Variants in SRGAP2 observed in about 807,000 individuals in gnomAD.
SRGAP2 encodes the protein SLIT-ROBO Rho GTPase-activating protein 2.
Under a neutral mutation model 57.2 loss-of-function variants are expected in SRGAP2, and 15 were observed. That is an observed-to-expected ratio of 0.26 (90% CI 0.18 to 0.40). The LOEUF is 0.40. Among genes scored for constraint, SRGAP2 ranks in the 10% least tolerant of loss-of-function variants. The pLI, the probability that SRGAP2 is intolerant of heterozygous loss-of-function variation, is 1.00. For synonymous variants in SRGAP2, 249 were observed against 248.0 expected, an observed-to-expected ratio of 1.00 and a Z score of -0.04; for missense variants, 520 against 669.6, an observed-to-expected ratio of 0.78 and a Z score of 2.47.
At chr1:206,229,760 C>CA (rs572449335) in intron 2 of SRGAP2, among the ~76,000 whole-genome samples, 125 of 151,994 alleles carry the variant, frequency 8.2e-4, no homozygotes, top group African/African-American at 2.9e-3. Context: ...TTTAGAGACT[C>CA]AAAGTGCTTC....
chr1:206,209,486 C>T (rs1176081661), intron 2 of SRGAP2, among the ~76,000 whole-genome samples: 1 of 151,622 alleles, frequency 6.6e-6, no homozygotes, highest in Non-Finnish European at 1.5e-5. Flanking sequence ...CAACCCTACC[C>T]CAGAGTGGTT....
intron 3 of SRGAP2, among the ~76,000 whole-genome samples, chr1:206,314,436 A>T (rs1323148172): frequency 6.6e-6 from 1 of 152,188 alleles, no homozygotes; most frequent in Non-Finnish European, 1.5e-5. Context: ...GCCCAGCTGA[A>T]ATCTAGTGTT....
intron 14 of SRGAP2, among the ~76,000 whole-genome samples, chr1:206,432,892 T>C (rs994214644): frequency 6.6e-6 from 1 of 152,212 alleles, no homozygotes; most frequent in Admixed American, 6.5e-5. Context: ...TTGTTTACCC[T>C]GGTAATCACG....
chr1:206,423,119 G>A (rs983557109), intron 13 of SRGAP2, among the ~76,000 whole-genome samples: 21 of 152,176 alleles, frequency 1.4e-4, no homozygotes, highest in African/African-American at 5.1e-4. Flanking sequence ...CCCTGTCAAA[G>A]ACTAGGTTTA....
intron 3 of SRGAP2, chr1:206,333,499 C>A: frequency 7.2e-7 from 1 of 1,390,906 alleles, no homozygotes; most frequent in South Asian, 1.2e-5. Context: ...GCGGGCGGCG[C>A]GGCTCTGTGT....
intron 4 of SRGAP2, among the ~76,000 whole-genome samples, chr1:206,356,803 T>C (rs1676469400): frequency 6.7e-6 from 1 of 148,738 alleles, no homozygotes; most frequent in Admixed American, 6.7e-5. Flanking sequence ...CTTACAATAC[T>C]GGACTTTCTC....
At chr1:206,420,805 T>C (rs150259444) in intron 12 of SRGAP2, among the ~76,000 whole-genome samples, 272 of 152,324 alleles carry the variant, frequency 1.8e-3, no homozygotes, top group African/African-American at 5.9e-3. Flanking sequence ...AGAAAAATTG[T>C]TCCCTGTAAA....
At chr1:206,385,098 G>T in intron 5 of SRGAP2, among the ~76,000 whole-genome samples, 1 of 129,662 alleles carries the variant, frequency 7.7e-6, no homozygotes, top group Non-Finnish European at 1.6e-5. Flanking sequence ...CCTAGGTGTG[G>T]CCATTTTGTC....
At chr1:206,457,158 TG>T (rs1553378758) in intron 21 of SRGAP2, among the ~76,000 whole-genome samples, 9 of 152,086 alleles carry the variant, frequency 5.9e-5, no homozygotes, top group South Asian at 4.1e-4. Context: ...CCCATAAATC[TG>T]TCTTCTCAGC....
chr1:206,435,824 G>A (rs782021916), intron 14 of SRGAP2, among the ~76,000 whole-genome samples: 1 of 152,218 alleles, frequency 6.6e-6, no homozygotes, highest in Non-Finnish European at 1.5e-5. Flanking sequence ...TTCTGTGAAA[G>A]CATTGATTAG....
intron 7 of SRGAP2, among the ~76,000 whole-genome samples, chr1:206,399,960 AGGGCCT>A (rs1657986586): frequency 6.8e-6 from 1 of 147,024 alleles, no homozygotes; most frequent in African/African-American, 2.5e-5. Context: ...GGCAGCTGCC[AGGGCCT>A]GTTGGCACTG....
intron 20 of SRGAP2, 139 bp downstream of exon 20, chr1:206,453,519 T>G: frequency 2.4e-6 from 1 of 419,288 alleles, no homozygotes; most frequent in South Asian, 9.2e-5. Context: ...ACACAGTTCC[T>G]TGAAGAGCAC....
intron 3 of SRGAP2, among the ~76,000 whole-genome samples, chr1:206,307,884 C>T (rs1672351033): frequency 6.6e-6 from 1 of 152,072 alleles, no homozygotes. Context: ...CCTTGGCCAG[C>T]CCAGAAAGGG....
In SRGAP2 at chr1:206,380,428, A is replaced by G. The variant is rs1296789998; in HGVS notation, c.424-3586A>G. Among the ~76,000 whole-genome samples the G allele has an allele frequency of 2.6e-4, 39 of 147,866 alleles. 1 individual carries two copies. Among genetic ancestry groups the G allele is most frequent in the Non-Finnish European group, 1.9e-4 (13 of 67,528 alleles). ...AGCACACCATCACACTTCCCATCCG[A>G]TAGAACCAGCATTGTTAACTGTACC... On this transcript the variant is annotated intron_variant, in intron 4 of 22. Transcript: ENST00000573034.
chr1:206,386,257 AC>A (rs1427062100), intron 5 of SRGAP2, among the ~76,000 whole-genome samples: 1 of 152,072 alleles, frequency 6.6e-6, no homozygotes, highest in Non-Finnish European at 1.5e-5. Context: ...CAATCTTCTG[AC>A]CCACAAGATT....
At chr1:206,430,264 G>A in intron 14 of SRGAP2, 42 bp downstream of exon 14, 1 of 779,584 alleles carries the variant, frequency 1.3e-6, no homozygotes, top group Non-Finnish European at 2.4e-6. Context: ...TGCAAAGATT[G>A]GGAAGAACTT....
intron 4 of SRGAP2, among the ~76,000 whole-genome samples, chr1:206,359,069 C>T (rs1676690197): frequency 6.6e-6 from 1 of 152,180 alleles, no homozygotes; most frequent in Non-Finnish European, 1.5e-5. Flanking sequence ...TACCTGCTGC[C>T]AGGATTCTCA....
rs1352622659 is a variant in SRGAP2 at position 206,296,699 on chromosome 1, C to T, written c.68-6582C>T. 3.6e-3 allele frequency: 547 copies of T among 152,026 alleles called. 6 individuals carry two copies. Among genetic ancestry groups the T allele is most frequent in the African/African-American group, 0.013 (518 of 41,280 alleles). The allele number at this position is 152,026 out of a possible 1,614,324, so 9.4% of individuals were successfully genotyped here. A position where few individuals can be genotyped will look rare whatever the true frequency, so the allele number is the denominator to read the frequency against. ...GGCCCACCTCGGCTTCCCAAAGTCC[C>T]GGGATTACAGGGGTGAGCCACTGTG... On this transcript the variant is annotated intron_variant, in intron 2 of 22. Transcript: ENST00000573034.
chr1:206,272,868 A>G (rs1407714861), intron 2 of SRGAP2, among the ~76,000 whole-genome samples: 1 of 152,206 alleles, frequency 6.6e-6, no homozygotes, highest in Non-Finnish European at 1.5e-5. Context: ...GGCGTGTTGT[A>G]GGTACCCCCA....
Sources: allele counts gnomAD v4.1 joint callset (sites outside exome capture counted in the v4.1 genomes callset), GRCh38; gene constraint gnomAD v4.1.1; transcripts MANE v1.5; gene names NCBI Gene and HGNC (gene_info 2026-07-23, HGNC 2026-07-21).